Variants in RARB observed in about 807,000 individuals in gnomAD.
RARB encodes the protein retinoic acid receptor beta.
Under a neutral mutation model 51.9 loss-of-function variants are expected in RARB, and 17 were observed. That is an observed-to-expected ratio of 0.33 (90% CI 0.22 to 0.49). The LOEUF is 0.49. Among genes scored for constraint, RARB ranks in the 20% least tolerant of loss-of-function variants. The pLI is 0.99. For synonymous variants in RARB, 215 were observed against 195.4 expected, an observed-to-expected ratio of 1.10 and a Z score of -0.84; for missense variants, 369 against 550.8, an observed-to-expected ratio of 0.67 and a Z score of 3.30.
intron 4 of RARB, among the ~76,000 whole-genome samples, chr3:25,136,701 AG>A (rs1700036022): frequency 6.6e-6 from 1 of 151,952 alleles, no homozygotes; most frequent in South Asian, 2.1e-4. Flanking sequence ...GCTAACTGGG[AG>A]GGAAGATGAT....
intron 2 of RARB, among the ~76,000 whole-genome samples, chr3:25,037,802 A>G (rs1430358503): frequency 2.0e-5 from 3 of 152,182 alleles, no homozygotes; most frequent in Non-Finnish European, 2.9e-5. Flanking sequence ...AACTTACAAC[A>G]GGGAAGTACA....
chr3:25,344,383 T>C (rs1339231589), intron 5 of RARB, among the ~76,000 whole-genome samples: 3 of 152,164 alleles, frequency 2.0e-5, no homozygotes, highest in Non-Finnish European at 4.4e-5. Flanking sequence ...TAAGTAGTGT[T>C]TATGTCTGAG....
intron 2 of RARB, among the ~76,000 whole-genome samples, chr3:25,049,950 G>T (rs1698293204): frequency 6.6e-6 from 1 of 152,310 alleles, no homozygotes; most frequent in Non-Finnish European, 1.5e-5. Flanking sequence ...GTAGTTTGTT[G>T]TTAGTGATGT....
intron 3 of RARB, among the ~76,000 whole-genome samples, chr3:25,079,802 T>G (rs1008028784): frequency 6.6e-6 from 1 of 152,228 alleles, no homozygotes; most frequent in African/African-American, 2.4e-5. Context: ...TTTTCATGAC[T>G]ATATTCATGA....
At chr3:25,552,093 AG>A (rs1395986207) in intron 3 of RARB, among the ~76,000 whole-genome samples, 1 of 152,158 alleles carries the variant, frequency 6.6e-6, no homozygotes, top group Non-Finnish European at 1.5e-5. Context: ...GGGATGAGAC[AG>A]CAAAGCCAAT....
intron 1 of RARB, among the ~76,000 whole-genome samples, chr3:24,844,521 A>G (rs1230796515): frequency 6.6e-6 from 1 of 152,206 alleles, no homozygotes; most frequent in Non-Finnish European, 1.5e-5. Flanking sequence ...TGCAGTGGGA[A>G]AAAACTGGGG....
intron 5 of RARB, among the ~76,000 whole-genome samples, chr3:25,320,817 G>C (rs1487655717): frequency 6.6e-6 from 1 of 152,108 alleles, no homozygotes; most frequent in South Asian, 2.1e-4. Flanking sequence ...GAACTCATCG[G>C]CTCCTGCTTC....
chr3:25,017,214 C>T (rs544328261), intron 2 of RARB, among the ~76,000 whole-genome samples: 6 of 146,842 alleles, frequency 4.1e-5, no homozygotes, highest in Admixed American at 1.3e-4. Flanking sequence ...ACTAGCTTTC[C>T]CCCCCCCTTT....
intron 2 of RARB, among the ~76,000 whole-genome samples, chr3:25,058,968 C>A (rs1698495705): frequency 6.6e-6 from 1 of 151,380 alleles, no homozygotes; most frequent in South Asian, 2.1e-4. Flanking sequence ...AAAAATTTTA[C>A]CCATAATTCT....
chr3:24,992,397 T>A (rs1342917704), intron 2 of RARB, among the ~76,000 whole-genome samples: 1 of 152,152 alleles, frequency 6.6e-6, no homozygotes, highest in African/African-American at 2.4e-5. Flanking sequence ...AAACAGCTTA[T>A]GTAAGATAGA....
In RARB at chr3:25,514,626, A is replaced by G. The variant is rs1698067260; in HGVS notation, c.448+13303A>G. ...TTGCTTGTTTTTTTGGGGGAAGGGG[A>G]TTATAACGTCAGTTGGTCTGACTTC... On this transcript the variant is annotated intron_variant, in intron 3 of 7. Transcript: ENST00000330688. 2.0e-5 allele frequency among the ~76,000 whole-genome samples: 3 copies of G among 152,078 alleles called. No individual in the cohort carries two copies. In the South Asian group the frequency reaches 6.2e-4, roughly 32 times the overall value.
intron 2 of RARB, among the ~76,000 whole-genome samples, chr3:24,953,071 C>T (rs1695933060): frequency 6.6e-6 from 1 of 152,104 alleles, no homozygotes; most frequent in African/African-American, 2.4e-5. Flanking sequence ...GCTGTTATAT[C>T]TTCTAGGGAG....
intron 2 of RARB, among the ~76,000 whole-genome samples, chr3:24,895,652 C>G (rs569605354): frequency 2.7e-5 from 4 of 150,236 alleles, no homozygotes; most frequent in South Asian, 2.1e-4. Flanking sequence ...CTCGCTCTTT[C>G]ACCCAGGCTG....
chr3:24,859,221 G>A (rs1245174148), intron 2 of RARB, among the ~76,000 whole-genome samples: 1 of 152,000 alleles, frequency 6.6e-6, no homozygotes, highest in African/African-American at 2.4e-5. Flanking sequence ...TTGAGCTGAT[G>A]TCTTTCTCTA....
In RARB at chr3:25,535,152, G is replaced by A. The variant is rs559408874; in HGVS notation, c.448+33829G>A. ...ATTAGCCAGGCAAGCTGAGTGTTCTGTTGGTTACTTAATTTACGAGGGCTT... is the reference window on the plus strand; with the variant it reads ...ATTAGCCAGGCAAGCTGAGTGTTCTATTGGTTACTTAATTTACGAGGGCTT... On this transcript the variant is annotated intron_variant, in intron 3 of 7. Coordinates refer to ENST00000330688, the MANE Select transcript of RARB (RefSeq NM_000965.5). Among the ~76,000 whole-genome samples, 19 of 152,332 alleles carry A rather than the reference G, an allele frequency of 1.2e-4. 1 individual carries two copies. The highest frequency in any genetic ancestry group is 4.3e-4 in the African/African-American group (18 of 41,580).
chr3:25,168,416 G>T (rs960959360), intron 4 of RARB, among the ~76,000 whole-genome samples: 5 of 151,994 alleles, frequency 3.3e-5, no homozygotes, highest in African/African-American at 1.2e-4. Context: ...AGTAGAGACA[G>T]GGTTTCACCA....
chr3:25,203,419 T>G (rs954194719), intron 5 of RARB, among the ~76,000 whole-genome samples: 8 of 152,240 alleles, frequency 5.3e-5, no homozygotes, highest in Admixed American at 2.6e-4. Context: ...TTGGAGCATT[T>G]AGCCCATTTA....
intron 5 of RARB, among the ~76,000 whole-genome samples, chr3:25,349,812 T>C (rs1705505126): frequency 6.6e-6 from 1 of 152,242 alleles, no homozygotes; most frequent in African/African-American, 2.4e-5. Context: ...ACAACCCTTC[T>C]GTTTCTTTGC....
chr3:25,038,561 G>T (rs1007893549), intron 2 of RARB, among the ~76,000 whole-genome samples: 1 of 152,046 alleles, frequency 6.6e-6, no homozygotes, highest in African/African-American at 2.4e-5. Context: ...GTGATGAAGT[G>T]GTGCCAAGAA....
Sources: allele counts gnomAD v4.1 joint callset (sites outside exome capture counted in the v4.1 genomes callset), GRCh38; gene constraint gnomAD v4.1.1; transcripts MANE v1.5; gene names NCBI Gene and HGNC (gene_info 2026-07-23, HGNC 2026-07-21).